Variants in NUP205 observed in about 807,000 individuals in gnomAD.
NUP205 encodes the protein nucleoporin 205.
Under a neutral mutation model 253.8 loss-of-function variants are expected in NUP205, and 76 were observed. The observed-to-expected ratio is 0.30, with a 90% CI of 0.25 to 0.36. NUP205 has a LOEUF of 0.36. Among genes scored for constraint, NUP205 ranks in the 10% least tolerant of loss-of-function variants. The probability of loss-of-function intolerance (pLI) is 1.00; values close to 1 mark genes in which losing one functional copy is unlikely to be tolerated. For synonymous variants in NUP205, 832 were observed against 850.1 expected, an observed-to-expected ratio of 0.98 and a Z score of 0.37; for missense variants, 2,162 against 2,425.5, an observed-to-expected ratio of 0.89 and a Z score of 2.28.
intron 1 of NUP205, among the ~76,000 whole-genome samples, chr7:135,568,925 A>C (rs978205580): frequency 2.6e-5 from 4 of 152,112 alleles, no homozygotes; most frequent in Non-Finnish European, 5.9e-5. Flanking sequence ...TTTTGAAATT[A>C]TTTTATTGTT....
At chr7:135,616,805 C>T (rs1246925816) in intron 25 of NUP205, 79 bp downstream of exon 25, 1 of 818,310 alleles carries the variant, frequency 1.2e-6, no homozygotes. Context: ...GATTATTATG[C>T]CTGTGCCTCC....
In NUP205 at chr7:135,557,957, T is replaced by C; in HGVS notation, c.13T>C (p.Leu5=). 6.2e-7 allele frequency: 1 copy of C among 1,613,892 alleles called. No homozygotes were observed. The highest frequency in any genetic ancestry group is 8.5e-7 in the Non-Finnish European group (1 of 1,179,764). The change falls in exon 1 of 43, where the codon TTG becomes CTG. Residue 5 remains leucine (L), a synonymous_variant. Transcript: ENST00000285968. ...GTGCGCCTCTAAGATGGCGACGCCT[T>C]TGGCGGTAAATTCGGGTAAGTGTGG... MATP[L]AVNSAASLWG...
chr7:135,587,577 G>A lies in NUP205; in HGVS notation c.1221G>A (p.Val407=). The A allele has an allele frequency of 1.3e-6, 2 of 1,585,398 alleles. No individual in the cohort carries two copies. Among genetic ancestry groups the A allele is most frequent in the Non-Finnish European group, 1.7e-6 (2 of 1,165,074 alleles). The stretch of plus-strand genomic sequence containing the variant: ...ACTATATCTAATAAATTTAATAGGT[G>A]AAACAGCTGAGGAATCGGGCAGATG... The part of the protein sequence containing the change: ...TDFLALMPMK[V]KQLRNRADED... Residue 407 remains valine, a splice_region_variant and synonymous_variant, in exon 9 of 43, where the codon GTG becomes GTA. Transcript: ENST00000285968.
chr7:135,578,324 A>G (rs537686809), intron 6 of NUP205, among the ~76,000 whole-genome samples: 171 of 152,296 alleles, frequency 1.1e-3, no homozygotes, highest in African/African-American at 3.5e-3. Context: ...ATTCATTTAC[A>G]TTTTCAAACT....
intron 7 of NUP205, among the ~76,000 whole-genome samples, chr7:135,582,226 A>G (rs1030328074): frequency 2.6e-5 from 4 of 152,200 alleles, no homozygotes; most frequent in African/African-American, 9.7e-5. Flanking sequence ...CAGAAGTTGC[A>G]GTGAGTCAAG....
intron 2 of NUP205, among the ~76,000 whole-genome samples, chr7:135,572,742 A>G (rs1806033239): frequency 6.6e-6 from 1 of 152,018 alleles, no homozygotes; most frequent in South Asian, 2.1e-4. Context: ...TGTATTAGAG[A>G]CGTGGTTTCA....
At chr7:135,617,992 A>T (rs1794395564) in intron 27 of NUP205, among the ~76,000 whole-genome samples, 1 of 151,856 alleles carries the variant, frequency 6.6e-6, no homozygotes, top group African/African-American at 2.4e-5. Context: ...GGAAAGTTAC[A>T]GATAAGAGGT....
At position 135,576,309 on chromosome 7, in the gene NUP205, G is replaced by A; in HGVS notation, c.383G>A (p.Gly128Glu). The change falls in exon 4 of 43, where the codon GGA becomes GAA. Residue 128 changes from glycine (G) to glutamate (E), a missense_variant. Coordinates refer to ENST00000285968, the MANE Select transcript of NUP205 (RefSeq NM_015135.3). ...CCACATTTTCCTGGCCTTACCAGAG[G>A]ATTAGTAGCTGTTCTTCTGTACTGG... ...QQPHFPGLTR[G>E]LVAVLLYWDG... is the part of the protein sequence containing the mutation. 4 of 1,613,766 alleles carry A rather than the reference G, an allele frequency of 2.5e-6. No individual in the cohort carries two copies. Among genetic ancestry groups the A allele is most frequent in the Non-Finnish European group, 3.4e-6 (4 of 1,179,764 alleles).
chr7:135,614,105 T>C (rs1794299906), intron 22 of NUP205, 54 bp from the exon 23 acceptor site: 1 of 979,388 alleles, frequency 1.0e-6, no homozygotes, highest in Non-Finnish European at 1.6e-6. Context: ...GTTACCATAA[T>C]ATGTGTAACA....
chr7:135,606,860 C>T lies in NUP205; in HGVS notation c.3015C>T (p.Tyr1005=). 1.2e-6 allele frequency: 2 copies of T among 1,614,022 alleles called. No individual in the cohort carries two copies. Among genetic ancestry groups the T allele is most frequent in the Non-Finnish European group, 1.7e-6 (2 of 1,179,914 alleles). Reference sequence around the variant, plus strand: ...GCAATCCACCCAATCTTGCTCTCTACCTGTTGGGCTTTGAATTGAAAAAAC... The same window carrying T: ...GCAATCCACCCAATCTTGCTCTCTATCTGTTGGGCTTTGAATTGAAAAAAC... ...LECNPPNLAL[Y]LLGFELKKPV... Residue 1005 remains tyrosine (Y), a synonymous_variant, in exon 21 of 43, where the codon TAC becomes TAT. Transcript: ENST00000285968.
chr7:135,634,880 A>T (rs1020243015), intron 35 of NUP205, among the ~76,000 whole-genome samples: 10 of 152,340 alleles, frequency 6.6e-5, no homozygotes, highest in African/African-American at 2.4e-4. Flanking sequence ...GTTATGTGCT[A>T]TGGAGTCTAT....
Position 135,587,680 on chromosome 7 carries a change from T to G in NUP205, c.1324T>G (p.Leu442Val), listed in dbSNP as rs1393325622. The change falls in exon 9 of 43, where the codon TTA becomes GTA. Residue 442 changes from leucine (L) to valine (V), a missense_variant. Leu to Val is a conservative substitution (Grantham distance 32). Around this residue, in one of 5 missense-constraint regions of NUP205, gnomAD observed 892 missense variants for 957.1 expected, o/e 0.93. Coordinates refer to ENST00000285968, the MANE Select transcript of NUP205 (RefSeq NM_015135.3). ...TTCACTTAGAAGGGACCTGGAACAC[T>G]TAATGCTTTTGGTAAGCCATTATAT... Reference protein sequence around the residue: ...PISLRRDLEHLMLLIGELYKK... With the variant: ...PISLRRDLEHVMLLIGELYKK... 2 of 1,596,844 alleles carry G rather than the reference T, an allele frequency of 1.3e-6. No homozygotes were observed. The highest frequency in any genetic ancestry group is 2.7e-5 in the African/African-American group (2 of 74,050).
At chr7:135,578,446 A>G (rs1383574479) in intron 6 of NUP205, among the ~76,000 whole-genome samples, 2 of 152,194 alleles carry the variant, frequency 1.3e-5, no homozygotes, top group Non-Finnish European at 2.9e-5. Flanking sequence ...CATGATTTCT[A>G]TTTTAGAATT....
At chr7:135,561,557 A>G (rs35229763) in intron 1 of NUP205, among the ~76,000 whole-genome samples, 33,761 of 151,988 alleles carry the variant, frequency 0.22, 4,340 homozygotes, top group East Asian at 0.5. Flanking sequence ...ACACTCTTCA[A>G]ATCTTTAACC....
At chr7:135,634,081 C>T (rs1009773643) in intron 35 of NUP205, among the ~76,000 whole-genome samples, 2 of 152,108 alleles carry the variant, frequency 1.3e-5, no homozygotes, top group Non-Finnish European at 2.9e-5. Context: ...TTCTGTGACT[C>T]ACAGATATAT....
At chr7:135,599,409 C>G (rs557756165) in intron 15 of NUP205, among the ~76,000 whole-genome samples, 16 of 151,930 alleles carry the variant, frequency 1.1e-4, no homozygotes, top group Non-Finnish European at 2.2e-4. Flanking sequence ...AAAATAAACA[C>G]TGAGGTGGGG....
At chr7:135,616,184 T>G (rs1794353988) in intron 24 of NUP205, 119 bp downstream of exon 24, 1 of 883,130 alleles carries the variant, frequency 1.1e-6, no homozygotes, top group African/African-American at 1.7e-5. Flanking sequence ...ACTTTTAGAA[T>G]TTTTTTTTCT....
Position 135,643,361 on chromosome 7 carries a change from A to G in NUP205, c.5559+3A>G. ...TTCCCCCAGATGAGATAAAAGAGGT[A>G]CGAATCTTATAATGAGCTGGGGGGA... On this transcript the variant is annotated splice_donor_region_variant and intron_variant, in intron 39 of 42. Transcript: ENST00000285968. 1.2e-6 allele frequency: 2 copies of G among 1,613,086 alleles called. No individual in the cohort carries two copies. The highest frequency in any genetic ancestry group is 1.7e-6 in the Non-Finnish European group (2 of 1,179,314).
At chr7:135,601,328 TACTA>T in intron 16 of NUP205, 38 bp from the exon 17 acceptor site, 1 of 1,571,256 alleles carries the variant, frequency 6.4e-7, no homozygotes, top group Non-Finnish European at 8.7e-7. Context: ...GTGACAAAAA[TACTA>T]ACCCATCATC....
Sources: gnomAD v4.1 joint callset for allele counts (sites outside exome capture counted in the v4.1 genomes callset) on GRCh38, gnomAD v4.1.1 for gene constraint, gnomAD v4.1.1 regional missense constraint, MANE v1.5 for transcripts, NCBI Gene and HGNC (gene_info 2026-07-23, HGNC 2026-07-21) for gene names.